SDK1: variants seen among roughly 807,000 people sequenced by gnomAD.
The protein encoded by SDK1 is protein sidekick-1.
A neutral mutation model predicts 245.5 loss-of-function variants in SDK1; 157 were observed. The ratio of observed to expected loss-of-function variants is 0.64; its 90% CI spans 0.56 to 0.73. The LOEUF is 0.73. Ranked by LOEUF, SDK1 falls within the 30% of genes least tolerant of loss-of-function variation. The pLI, the probability that SDK1 is intolerant of heterozygous loss-of-function variation, is 0.00. For synonymous variants in SDK1, 1,647 were observed against 1,278.5 expected (o/e 1.29, Z -6.15); for missense variants, 3,583 against 3,002.3 (o/e 1.19, Z -4.52).
chr7:3,665,715 T>G (rs1783509608), intron 4 of SDK1, among the ~76,000 whole-genome samples: 1 of 152,174 alleles, frequency 6.6e-6, no homozygotes, highest in Non-Finnish European at 1.5e-5. Context: ...CATTGGTGCT[T>G]TCTCTCACGT....
intron 1 of SDK1, among the ~76,000 whole-genome samples, chr7:3,439,800 T>C (rs2204123): frequency 0.36 from 55,314 of 152,028 alleles, 12,433 homozygotes; most frequent in African/African-American, 0.64. Flanking sequence ...ATAGTGAGAA[T>C]GGCCATGACA....
At chr7:3,352,965 T>G (rs1157005659) in intron 1 of SDK1, among the ~76,000 whole-genome samples, 2 of 152,200 alleles carry the variant, frequency 1.3e-5, no homozygotes, top group Non-Finnish European at 2.9e-5. Context: ...TACTTTGTTG[T>G]AGTTAGGGTC....
intron 2 of SDK1, among the ~76,000 whole-genome samples, chr7:3,628,648 G>A (rs1780703837): frequency 6.6e-6 from 1 of 152,210 alleles, no homozygotes; most frequent in Admixed American, 6.5e-5. Context: ...CTATGGCTGA[G>A]TCCTGTCTTC....
In SDK1 at chr7:4,267,268, CCCTT is replaced by C. The variant is rs1219353147; in HGVS notation, c.*1892_*1895del. 1.5e-5 allele frequency: 8 copies of C among 527,772 alleles called. No homozygotes were observed. Among genetic ancestry groups the C allele is most frequent in the East Asian group, 1.5e-4 (1 of 6,584 alleles). The allele number at this position is 527,772 out of a possible 1,614,324, so 32.7% of individuals were successfully genotyped here. ...TTCCTCCCTCCCTCCCTCCTTCCCT[CCCTT>C]CCTTCCTCTCTTTCCTCCTTCCTTC... On this transcript the variant is annotated 3_prime_UTR_variant, in exon 45 of 45. Coordinates refer to ENST00000404826, the MANE Select transcript of SDK1 (RefSeq NM_152744.4).
intron 4 of SDK1, among the ~76,000 whole-genome samples, chr7:3,778,504 T>A (rs1780629963): frequency 6.6e-6 from 1 of 152,226 alleles, no homozygotes; most frequent in Non-Finnish European, 1.5e-5. Flanking sequence ...AGAGAATGTT[T>A]TTGTTTCATC....
intron 5 of SDK1, among the ~76,000 whole-genome samples, chr7:3,899,553 C>T (rs923174044): frequency 5.9e-5 from 9 of 152,206 alleles, no homozygotes; most frequent in Admixed American, 1.3e-4. Flanking sequence ...CAGCTGTCCC[C>T]GGGTGCAGAG....
chr7:4,077,825 G>T (rs1408408389), intron 21 of SDK1, among the ~76,000 whole-genome samples: 3 of 152,144 alleles, frequency 2.0e-5, no homozygotes, highest in African/African-American at 7.2e-5. Flanking sequence ...ATGACACATG[G>T]GAAATGTGGG....
At chr7:3,465,922 T>A (rs1050058971) in intron 1 of SDK1, among the ~76,000 whole-genome samples, 5 of 152,162 alleles carry the variant, frequency 3.3e-5, no homozygotes, top group African/African-American at 7.2e-5. Flanking sequence ...GTCCAAGTTG[T>A]CTGTGAATAA....
intron 1 of SDK1, among the ~76,000 whole-genome samples, chr7:3,504,266 G>A (rs988944148): frequency 7.6e-5 from 11 of 144,000 alleles, no homozygotes; most frequent in African/African-American, 1.6e-4. Context: ...TGTTGTTGTC[G>A]TTGTTGTTGT....
At chr7:3,715,709 C>T (rs758602042) in intron 4 of SDK1, among the ~76,000 whole-genome samples, 1 of 152,118 alleles carries the variant, frequency 6.6e-6, no homozygotes, top group African/African-American at 2.4e-5. Flanking sequence ...GACAAGGAGT[C>T]TTAACATAAT....
chr7:3,558,818 T>C (rs1479226567), intron 1 of SDK1, among the ~76,000 whole-genome samples: 5 of 152,230 alleles, frequency 3.3e-5, no homozygotes, highest in African/African-American at 1.2e-4. Flanking sequence ...CAGTCTATAT[T>C]AGAGACTGTC....
At chr7:3,575,168 C>G (rs1780245051) in intron 1 of SDK1, among the ~76,000 whole-genome samples, 1 of 152,042 alleles carries the variant, frequency 6.6e-6, no homozygotes, top group African/African-American at 2.4e-5. Context: ...CAAAGTGCCA[C>G]CAGCTGAGTT....
chr7:3,569,675 A>T (rs1223966673), intron 1 of SDK1, among the ~76,000 whole-genome samples: 2 of 152,258 alleles, frequency 1.3e-5, no homozygotes, highest in Non-Finnish European at 2.9e-5. Context: ...AGTGGCAGCC[A>T]TGACTATAGA....
intron 1 of SDK1, among the ~76,000 whole-genome samples, chr7:3,393,166 T>G (rs185224450): frequency 4.4e-4 from 67 of 151,854 alleles, no homozygotes; most frequent in African/African-American, 1.6e-3. Context: ...GAGGTGGGGT[T>G]TCATCATGTT....
chr7:4,015,640 A>C (rs902603514), intron 16 of SDK1, among the ~76,000 whole-genome samples: 1 of 152,180 alleles, frequency 6.6e-6, no homozygotes, highest in African/African-American at 2.4e-5. Flanking sequence ...CAGGTCGTTC[A>C]GTAAAGGAGT....
intron 1 of SDK1, among the ~76,000 whole-genome samples, chr7:3,391,232 C>T (rs1198477751): frequency 1.3e-5 from 2 of 152,176 alleles, no homozygotes; most frequent in Admixed American, 6.5e-5. Flanking sequence ...TTGCCCTGAG[C>T]TCACCAGCGA....
Position 3,325,599 on chromosome 7 carries a change from G to A in SDK1, c.298+23715G>A, listed in dbSNP as rs954660784. On this transcript the variant is annotated intron_variant, in intron 1 of 44. Transcript: ENST00000404826. ...AGACAATAGGTTTATAAAAGTAACC[G>A]TTTCCATCATAGAAGTGTCATAAAA... Among the ~76,000 whole-genome samples, 4 of 152,012 alleles carry A rather than the reference G, an allele frequency of 2.6e-5. No individual in the cohort carries two copies. In the South Asian group the frequency reaches 6.2e-4, roughly 24 times the overall value.
At chr7:4,038,931 G>A (rs1303141549) in intron 17 of SDK1, among the ~76,000 whole-genome samples, 1 of 152,118 alleles carries the variant, frequency 6.6e-6, no homozygotes, top group Admixed American at 6.5e-5. Flanking sequence ...AAGAAGACAG[G>A]ATTATTGGAA....
At chr7:3,690,162 C>T (rs902408427) in intron 4 of SDK1, among the ~76,000 whole-genome samples, 1 of 152,122 alleles carries the variant, frequency 6.6e-6, no homozygotes. Flanking sequence ...GGACTAATAG[C>T]CCAGTGACTC....
Sources: gnomAD v4.1 joint callset for allele counts (sites outside exome capture counted in the v4.1 genomes callset) on GRCh38, gnomAD v4.1.1 for gene constraint, MANE v1.5 for transcripts, NCBI Gene and HGNC (gene_info 2026-07-23, HGNC 2026-07-21) for gene names.